Variants in CNTNAP2 observed in about 807,000 individuals in gnomAD.
CNTNAP2 encodes contactin-associated protein-like 2.
Under a neutral mutation model 155.2 loss-of-function variants are expected in CNTNAP2, and 98 were observed. The ratio of observed to expected loss-of-function variants is 0.63; its 90% CI spans 0.54 to 0.75. CNTNAP2 has a LOEUF of 0.75. Ranked by LOEUF, CNTNAP2 falls within the 30% of genes least tolerant of loss-of-function variation. The pLI, the probability that CNTNAP2 is intolerant of heterozygous loss-of-function variation, is 0.00. For synonymous variants in CNTNAP2, 651 were observed against 631.2 expected, an observed-to-expected ratio of 1.03 and a Z score of -0.47; for missense variants, 1,727 against 1,688.1, an observed-to-expected ratio of 1.02 and a Z score of -0.40.
chr7:147,492,285 T>A (rs563507139), intron 11 of CNTNAP2, among the ~76,000 whole-genome samples: 2 of 152,314 alleles, frequency 1.3e-5, no homozygotes, highest in African/African-American at 4.8e-5. Context: ...CTGCCGCTGA[T>A]CTGACAGAAG....
intron 13 of CNTNAP2, among the ~76,000 whole-genome samples, chr7:147,814,506 C>T (rs1251489429): frequency 6.6e-6 from 1 of 152,170 alleles, no homozygotes; most frequent in Non-Finnish European, 1.5e-5. Flanking sequence ...CCTGATTACT[C>T]TCTCTGTGGA....
At chr7:146,526,649 T>A (rs1463740111) in intron 1 of CNTNAP2, among the ~76,000 whole-genome samples, 1 of 152,112 alleles carries the variant, frequency 6.6e-6, no homozygotes, top group Non-Finnish European at 1.5e-5. Flanking sequence ...AACATGAGAT[T>A]TGAGTGGGGA....
At chr7:146,336,544 A>C (rs1487171115) in intron 1 of CNTNAP2, among the ~76,000 whole-genome samples, 2 of 152,104 alleles carry the variant, frequency 1.3e-5, no homozygotes, top group Non-Finnish European at 2.9e-5. Flanking sequence ...TAAAGGAAAA[A>C]AAAAACAGAA....
intron 3 of CNTNAP2, among the ~76,000 whole-genome samples, chr7:146,953,418 T>C (rs2129228508): frequency 6.6e-6 from 1 of 152,086 alleles, no homozygotes; most frequent in Non-Finnish European, 1.5e-5. Context: ...CAGAAGATTG[T>C]AGTATAAATA....
At chr7:148,389,275 TG>T (rs1225432788) in intron 22 of CNTNAP2, among the ~76,000 whole-genome samples, 1 of 152,194 alleles carries the variant, frequency 6.6e-6, no homozygotes, top group Non-Finnish European at 1.5e-5. Context: ...AATTGAATCA[TG>T]GGGGCAGGTC....
intron 8 of CNTNAP2, among the ~76,000 whole-genome samples, chr7:147,257,479 C>T (rs1301274852): frequency 1.3e-5 from 2 of 152,174 alleles, no homozygotes; most frequent in African/African-American, 4.8e-5. Context: ...GTGTGCAGGA[C>T]CTTCTGCCAT....
At position 146,698,954 on chromosome 7, in the gene CNTNAP2, T is replaced by C. The variant is rs148374083; in HGVS notation, c.98-75317T>C. Among the ~76,000 whole-genome samples, 722 of 152,286 alleles carry C rather than the reference T, an allele frequency of 4.7e-3. 7 individuals carry two copies. The highest frequency in any genetic ancestry group is 5.9e-3 in the Non-Finnish European group (398 of 68,016). Reference sequence around the variant, plus strand: ...TATTTTTATCTTTTTTTTCTTTCTTTCTAGCACTTCCTTTCAATTCTTTCT... The same window carrying C: ...TATTTTTATCTTTTTTTTCTTTCTTCCTAGCACTTCCTTTCAATTCTTTCT... On this transcript the variant is annotated intron_variant, in intron 1 of 23. Coordinates refer to ENST00000361727, the MANE Select transcript of CNTNAP2 (RefSeq NM_014141.6).
chr7:147,475,390 A>T (rs1336912669), intron 10 of CNTNAP2, among the ~76,000 whole-genome samples: 1 of 152,186 alleles, frequency 6.6e-6, no homozygotes, highest in East Asian at 1.9e-4. Flanking sequence ...AATGAATCTC[A>T]TTGAAATTTA....
intron 3 of CNTNAP2, among the ~76,000 whole-genome samples, chr7:146,975,676 A>G (rs781635162): frequency 1.3e-5 from 2 of 152,184 alleles, no homozygotes; most frequent in Non-Finnish European, 2.9e-5. Flanking sequence ...ATAAATTTCA[A>G]GATGAAATCA....
chr7:147,003,906 T>A (rs1023358777), intron 3 of CNTNAP2, among the ~76,000 whole-genome samples: 3 of 151,886 alleles, frequency 2.0e-5, no homozygotes, highest in African/African-American at 7.3e-5. Flanking sequence ...ATGGTGCATA[T>A]CTGTAGTCCT....
At chr7:147,889,029 C>T (rs1358024132) in intron 13 of CNTNAP2, among the ~76,000 whole-genome samples, 1 of 152,006 alleles carries the variant, frequency 6.6e-6, no homozygotes, top group Non-Finnish European at 1.5e-5. Context: ...GGAACAGAAA[C>T]AAGCTATAAA....
chr7:147,124,565 T>C (rs1801194838), intron 6 of CNTNAP2, among the ~76,000 whole-genome samples: 1 of 152,220 alleles, frequency 6.6e-6, no homozygotes, highest in Non-Finnish European at 1.5e-5. Context: ...ATTTCCATCA[T>C]ATAGTTGCAA....
chr7:147,207,373 T>G (rs1803044632), intron 8 of CNTNAP2, among the ~76,000 whole-genome samples: 1 of 152,138 alleles, frequency 6.6e-6, no homozygotes, highest in East Asian at 1.9e-4. Flanking sequence ...TATCCTATTC[T>G]GCAATACATG....
intron 1 of CNTNAP2, among the ~76,000 whole-genome samples, chr7:146,146,368 G>A (rs2116766288): frequency 6.6e-6 from 1 of 152,174 alleles, no homozygotes; most frequent in South Asian, 2.1e-4. Context: ...CCCAGCCATA[G>A]GAAGTTCGCC....
At chr7:146,839,113 T>G (rs924285565) in intron 2 of CNTNAP2, among the ~76,000 whole-genome samples, 1 of 152,266 alleles carries the variant, frequency 6.6e-6, no homozygotes, top group East Asian at 1.9e-4. Flanking sequence ...GAAATATGAC[T>G]TACAAGAGGT....
intron 15 of CNTNAP2, among the ~76,000 whole-genome samples, chr7:147,990,885 A>G (rs1801700390): frequency 6.6e-6 from 1 of 152,052 alleles, no homozygotes; most frequent in Non-Finnish European, 1.5e-5. Flanking sequence ...TATAATGTTT[A>G]GCCCCCTTTT....
intron 8 of CNTNAP2, among the ~76,000 whole-genome samples, chr7:147,142,386 T>G (rs1351173886): frequency 4.6e-5 from 7 of 152,268 alleles, no homozygotes; most frequent in South Asian, 4.1e-4. Flanking sequence ...TTATTGATTT[T>G]CTTATATTGA....
At chr7:147,633,705 G>C (rs1441738227) in intron 12 of CNTNAP2, among the ~76,000 whole-genome samples, 7 of 152,122 alleles carry the variant, frequency 4.6e-5, no homozygotes, top group Admixed American at 4.6e-4. Context: ...CATAAGGTCT[G>C]ATGGTTTTAT....
At chr7:147,642,656 C>G (rs146483296) in intron 13 of CNTNAP2, among the ~76,000 whole-genome samples, 1 of 152,126 alleles carries the variant, frequency 6.6e-6, no homozygotes, top group Non-Finnish European at 1.5e-5. Context: ...TCTAGATACC[C>G]CTTTCACGAG....
Sources: gnomAD v4.1 joint callset for allele counts (sites outside exome capture counted in the v4.1 genomes callset) on GRCh38, gnomAD v4.1.1 for gene constraint, MANE v1.5 for transcripts, NCBI Gene and HGNC (gene_info 2026-07-23, HGNC 2026-07-21) for gene names.